FHOD3: variants seen among roughly 807,000 people sequenced by gnomAD.
FHOD3 encodes the protein formin homology 2 domain containing 3, also known as FH1/FH2 domain-containing protein 3.
A neutral mutation model predicts 173.0 loss-of-function variants in FHOD3; 90 were observed. That is an observed-to-expected ratio of 0.52 (90% CI 0.44 to 0.62). The LOEUF (loss-of-function observed/expected upper bound fraction) is 0.62, where lower values mean the gene tolerates loss of function less well. Ranked by LOEUF, FHOD3 falls within the 20% of genes least tolerant of loss-of-function variation. The pLI is 0.00. For synonymous variants in FHOD3, 828 were observed against 823.0 expected, an observed-to-expected ratio of 1.01 and a Z score of -0.10; for missense variants, 1,945 against 2,034.7, an observed-to-expected ratio of 0.96 and a Z score of 0.85.
intron 8 of FHOD3, among the ~76,000 whole-genome samples, chr18:36,611,660 T>A (rs902412318): frequency 6.6e-6 from 1 of 152,164 alleles, no homozygotes; most frequent in Non-Finnish European, 1.5e-5. Context: ...TCCCCTCACC[T>A]TTGCCACCTA....
intron 3 of FHOD3, among the ~76,000 whole-genome samples, chr18:36,474,641 GTGGCGGC>G (rs2053457981): frequency 6.6e-6 from 1 of 152,170 alleles, no homozygotes. Flanking sequence ...GTGAGGTAGG[GTGGCGGC>G]AAGCCTTGGA....
chr18:36,664,777 TGAGAGAGA>T lies in FHOD3; in HGVS notation c.1835+6620_1835+6627del, dbSNP rs373836211. On this transcript the variant is annotated intron_variant, in intron 14 of 28. Transcript: ENST00000590592. ...GAGCAAAAAGGGGTGTGTGTGTATG[TGAGAGAGA>T]GAGAGAGAGAGAGAGAGAGAGAGAG... 4.6e-3 allele frequency among the ~76,000 whole-genome samples: 601 copies of T among 129,596 alleles called. 5 individuals are homozygous for T. Among genetic ancestry groups the T allele is most frequent in the African/African-American group, 0.015 (502 of 34,518 alleles). The allele number at this position is 129,596 out of a possible 152,430, so 85.0% of individuals were successfully genotyped here.
chr18:36,360,563 C>G (rs1408120137), intron 2 of FHOD3, among the ~76,000 whole-genome samples: 1 of 152,138 alleles, frequency 6.6e-6, no homozygotes, highest in Non-Finnish European at 1.5e-5. Flanking sequence ...ATGCAGAGTC[C>G]CATCTGCAGG....
intron 5 of FHOD3, among the ~76,000 whole-genome samples, chr18:36,556,695 C>A (rs966118156): frequency 6.6e-6 from 1 of 152,122 alleles, no homozygotes; most frequent in African/African-American, 2.4e-5. Flanking sequence ...AAGTAGCCAG[C>A]GACCTTTTAA....
intron 1 of FHOD3, among the ~76,000 whole-genome samples, chr18:36,322,905 A>AGT (rs2044473954): frequency 6.6e-6 from 1 of 152,186 alleles, no homozygotes; most frequent in African/African-American, 2.4e-5. Context: ...GAGTGCCAGG[A>AGT]GTGGCTGCTG....
At chr18:36,397,681 A>G (rs2048617385) in intron 3 of FHOD3, among the ~76,000 whole-genome samples, 1 of 152,146 alleles carries the variant, frequency 6.6e-6, no homozygotes, top group African/African-American at 2.4e-5. Flanking sequence ...GTTACTTAGA[A>G]TTCAGTTTAC....
rs1343868997 is a variant in FHOD3, at chr18:36,574,580, A to T, written c.512-1871A>T. 3.3e-5 allele frequency among the ~76,000 whole-genome samples: 5 copies of T among 152,240 alleles called. No individual in the cohort carries two copies. In the South Asian group the frequency reaches 8.3e-4, roughly 25 times the overall value. ...TGCTGCATACAGATTTCTCATTAGG[A>T]TGAGAAATGTGATTATAATTGTAAT... On this transcript the variant is annotated intron_variant, in intron 5 of 28. Coordinates refer to ENST00000590592, the MANE Select transcript of FHOD3 (RefSeq NM_001281740.3).
At chr18:36,603,089 C>T (rs1353044143) in intron 8 of FHOD3, among the ~76,000 whole-genome samples, 1 of 152,154 alleles carries the variant, frequency 6.6e-6, no homozygotes, top group South Asian at 2.1e-4. Flanking sequence ...TCCTGTAGAG[C>T]CTTCAGGGAA....
chr18:36,552,940 A>G (rs2057721629), intron 5 of FHOD3, among the ~76,000 whole-genome samples: 1 of 152,112 alleles, frequency 6.6e-6, no homozygotes, highest in Non-Finnish European at 1.5e-5. Flanking sequence ...ATTCAGTATG[A>G]TATTGGCTGT....
intron 3 of FHOD3, among the ~76,000 whole-genome samples, chr18:36,493,490 C>T (rs1011208081): frequency 6.6e-6 from 1 of 152,178 alleles, no homozygotes; most frequent in Non-Finnish European, 1.5e-5. Flanking sequence ...TCTTGCCTCA[C>T]TCAGTGCTGA....
chr18:36,477,905 CG>C (rs1568325099), intron 3 of FHOD3, among the ~76,000 whole-genome samples: 1 of 152,162 alleles, frequency 6.6e-6, no homozygotes, highest in East Asian at 1.9e-4. Context: ...CGAAGAACCA[CG>C]GCATGCAGTG....
chr18:36,688,088 A>G (rs778856440), intron 16 of FHOD3, among the ~76,000 whole-genome samples: 1 of 152,220 alleles, frequency 6.6e-6, no homozygotes, highest in African/African-American at 2.4e-5. Flanking sequence ...TTGAATCTCA[A>G]TAAAAGATAC....
At chr18:36,713,582 C>T (rs970079330) in intron 18 of FHOD3, among the ~76,000 whole-genome samples, 7 of 152,124 alleles carry the variant, frequency 4.6e-5, no homozygotes, top group South Asian at 2.1e-4. Flanking sequence ...TAAGATGTAG[C>T]GTTCTATAGG....
chr18:36,434,514 A>C (rs2050714782), intron 3 of FHOD3, among the ~76,000 whole-genome samples: 2 of 152,200 alleles, frequency 1.3e-5, no homozygotes, highest in Admixed American at 1.3e-4. Flanking sequence ...ATTCTTTGTC[A>C]AAATTATTTT....
intron 7 of FHOD3, among the ~76,000 whole-genome samples, chr18:36,598,097 G>A (rs1487838340): frequency 6.6e-6 from 1 of 152,176 alleles, no homozygotes; most frequent in African/African-American, 2.4e-5. Context: ...CTGGGTGAGA[G>A]AGCAGACAGG....
At chr18:36,606,366 G>A (rs1421981849) in intron 8 of FHOD3, among the ~76,000 whole-genome samples, 1 of 152,084 alleles carries the variant, frequency 6.6e-6, no homozygotes, top group African/African-American at 2.4e-5. Context: ...CAAGGGGGTT[G>A]TAGGGGAAGA....
chr18:36,707,883 C>A lies in FHOD3; in HGVS notation c.2237-1212C>A, dbSNP rs879523016. ...GAGCAGTGTGTACCTAGGGTTCAAG[C>A]ACACACCCTTAGAGTGCATTGCCAG... On this transcript the variant is annotated intron_variant, in intron 17 of 28. Transcript: ENST00000590592. Among the ~76,000 whole-genome samples, 3 of 152,118 alleles carry A rather than the reference C, an allele frequency of 2.0e-5. No homozygotes were observed. In the South Asian group the frequency reaches 6.2e-4, roughly 32 times the overall value.
At chr18:36,571,888 T>G (rs116311517) in intron 5 of FHOD3, among the ~76,000 whole-genome samples, 119 of 152,384 alleles carry the variant, frequency 7.8e-4, no homozygotes, top group African/African-American at 2.7e-3. Context: ...TACATATTTT[T>G]AGAAGAACAC....
intron 5 of FHOD3, among the ~76,000 whole-genome samples, chr18:36,518,961 G>A (rs1304238549): frequency 6.6e-6 from 1 of 152,174 alleles, no homozygotes; most frequent in Non-Finnish European, 1.5e-5. Context: ...ATGGTCAGGG[G>A]CAGGGAAGCT....
Sources: gnomAD v4.1 joint callset for allele counts (sites outside exome capture counted in the v4.1 genomes callset) on GRCh38, gnomAD v4.1.1 for gene constraint, MANE v1.5 for transcripts, NCBI Gene and HGNC (gene_info 2026-07-23, HGNC 2026-07-21) for gene names.